The following HDAC9 variants were observed in gnomAD, a reference collection of about 807,000 sequenced individuals.
HDAC9 encodes MEF-2 interacting transcription repressor (MITR) protein.
In HDAC9, 41 loss-of-function variants were observed where a neutral mutation model predicts 139.4. That is an observed-to-expected ratio of 0.29 (90% CI 0.23 to 0.38). The LOEUF (loss-of-function observed/expected upper bound fraction) is 0.38, where lower values mean the gene tolerates loss of function less well. Ranked by LOEUF, HDAC9 falls within the 10% of genes least tolerant of loss-of-function variation. HDAC9 has a pLI of 1.00. For missense variants in HDAC9, 1,147 were observed against 1,297.0 expected (o/e 0.88, Z 1.78); for synonymous variants, 517 against 476.2 (o/e 1.09, Z -1.12).
chr7:18,483,364 A>G (rs564486994), intron 1 of HDAC9, among the ~76,000 whole-genome samples: 2 of 152,352 alleles, frequency 1.3e-5, no homozygotes, highest in South Asian at 4.1e-4. Flanking sequence ...CTAAGTAAAG[A>G]TGAGAGCAAG....
Position 18,623,146 on chromosome 7 carries a change from G to GA in HDAC9, c.665-6188dup, listed in dbSNP as rs200409519. On this transcript the variant is annotated intron_variant, in intron 6 of 25. Transcript: ENST00000686413. ...GTGACAGAGTGAGACCCGGTCTCTGGAAAAAAAAAAAAAAAAGTGAGCAGA... is the reference window on the plus strand; with the variant it reads ...GTGACAGAGTGAGACCCGGTCTCTGGAAAAAAAAAAAAAAAAAGTGAGCAGA... Among the ~76,000 whole-genome samples the GA allele has an allele frequency of 3.0e-3, 421 of 140,650 alleles. 1 individual carries two copies. The highest frequency in any genetic ancestry group is 9.4e-3 in the African/African-American group (353 of 37,446). 92.3% of individuals were successfully genotyped at this position (140,650 alleles called of 152,430 possible).
At chr7:18,910,899 C>A (rs1802682707) in intron 22 of HDAC9, among the ~76,000 whole-genome samples, 1 of 151,688 alleles carries the variant, frequency 6.6e-6, no homozygotes, top group Non-Finnish European at 1.5e-5. Flanking sequence ...GGGTATGAGC[C>A]TATAGTTTTC....
Position 18,268,422 on chromosome 7 carries a change from A to G in HDAC9, c.25+106073A>G, listed in dbSNP as rs969960315. Among the ~76,000 whole-genome samples, 3 of 152,098 alleles carry G rather than the reference A, an allele frequency of 2.0e-5. No homozygotes were observed. In the East Asian group the frequency reaches 5.8e-4, roughly 29 times the overall value. ...GAATTTTAAATTTTACTTTATGGGC[A>G]TAAGTTTATGAACTCATTTCCAGCT... On this transcript the variant is annotated intron_variant, in intron 2 of 12. Transcript: ENST00000417496.
At chr7:18,135,549 G>A (rs552302661) in intron 1 of HDAC9, among the ~76,000 whole-genome samples, 1,837 of 130,880 alleles carry the variant, frequency 0.014, 8 homozygotes, top group Non-Finnish European at 0.019. Flanking sequence ...GAGAATATGC[G>A]GTGTTTGGTT....
intron 1 of HDAC9, among the ~76,000 whole-genome samples, chr7:18,090,814 C>A (rs1455545178): frequency 6.6e-6 from 1 of 152,102 alleles, no homozygotes; most frequent in Non-Finnish European, 1.5e-5. Context: ...CTAGTCATTT[C>A]TTTCCATGTA....
At chr7:18,725,409 G>A (rs1302619513) in intron 12 of HDAC9, among the ~76,000 whole-genome samples, 3 of 152,154 alleles carry the variant, frequency 2.0e-5, no homozygotes, top group African/African-American at 7.2e-5. Context: ...GGCTTAAAAT[G>A]TAGGTTAGCC....
chr7:18,844,581 C>G (rs879769988), intron 21 of HDAC9, among the ~76,000 whole-genome samples: 2 of 152,118 alleles, frequency 1.3e-5, no homozygotes, highest in Non-Finnish European at 2.9e-5. Context: ...ATATTTTTAG[C>G]TGGTTCTTAA....
At chr7:18,196,330 A>T (rs1790723895) in intron 2 of HDAC9, among the ~76,000 whole-genome samples, 1 of 152,174 alleles carries the variant, frequency 6.6e-6, no homozygotes, top group African/African-American at 2.4e-5. Context: ...GCACATGAGG[A>T]TTAGGAAATT....
rs142307123 is a variant in HDAC9 at position 18,712,733 on chromosome 7, A to G, written c.1732-14847A>G. Among the ~76,000 whole-genome samples the G allele has an allele frequency of 7.7e-4, 117 of 152,338 alleles. 1 individual carries two copies. Among genetic ancestry groups the G allele is most frequent in the African/African-American group, 2.7e-3 (111 of 41,578 alleles). ...ATAACCACTTTAACATATTATTTAT[A>G]TTGCTTATTGAGCCTACAAGTATAA... On this transcript the variant is annotated intron_variant, in intron 12 of 25. Coordinates refer to ENST00000686413, the MANE Select transcript of HDAC9 (RefSeq NM_178425.4).
At chr7:18,945,834 T>A (rs759150711) in intron 23 of HDAC9, among the ~76,000 whole-genome samples, 4 of 151,616 alleles carry the variant, frequency 2.6e-5, no homozygotes, top group Non-Finnish European at 4.4e-5. Flanking sequence ...GTCAGAAGTT[T>A]GAGACCATCC....
At chr7:18,433,711 C>T (rs1332058401) in intron 1 of HDAC9, among the ~76,000 whole-genome samples, 1 of 152,082 alleles carries the variant, frequency 6.6e-6, no homozygotes, top group African/African-American at 2.4e-5. Context: ...TACAACTAAC[C>T]AGGGAGGTGG....
At chr7:18,591,400 C>T (rs886350671) in intron 4 of HDAC9, 116 bp from the exon 5 acceptor site, 32 of 1,346,938 alleles carry the variant, frequency 2.4e-5, no homozygotes, top group Non-Finnish European at 3.0e-5. Context: ...AGCGATTTTA[C>T]TTCTTAATCT....
At chr7:18,803,374 T>A (rs1420198133) in intron 17 of HDAC9, among the ~76,000 whole-genome samples, 1 of 152,194 alleles carries the variant, frequency 6.6e-6, no homozygotes, top group Non-Finnish European at 1.5e-5. Flanking sequence ...TGTTTCTCTA[T>A]ACTTGCTCGC....
chr7:18,255,904 G>A (rs914087470), intron 2 of HDAC9, among the ~76,000 whole-genome samples: 2 of 152,048 alleles, frequency 1.3e-5, no homozygotes, highest in African/African-American at 4.8e-5. Context: ...TGGGATTATA[G>A]GTGTGAGCCA....
chr7:18,247,471 A>G (rs1390189939), intron 2 of HDAC9, among the ~76,000 whole-genome samples: 1 of 152,122 alleles, frequency 6.6e-6, no homozygotes, highest in African/African-American at 2.4e-5. Flanking sequence ...AGTGATGGAC[A>G]GTTGGCTTTA....
intron 1 of HDAC9, among the ~76,000 whole-genome samples, chr7:18,485,455 A>T (rs1200680766): frequency 6.7e-6 from 1 of 149,592 alleles, no homozygotes; most frequent in African/African-American, 2.4e-5. Flanking sequence ...ATATATATTT[A>T]TTATATATAT....
intron 1 of HDAC9, among the ~76,000 whole-genome samples, chr7:18,390,534 C>G (rs985979750): frequency 6.6e-6 from 1 of 152,150 alleles, no homozygotes; most frequent in Admixed American, 6.5e-5. Flanking sequence ...TAGTTTGGTA[C>G]AGGCTACTCC....
At chr7:18,587,363 C>T (rs769052768) in intron 3 of HDAC9, among the ~76,000 whole-genome samples, 25 of 151,974 alleles carry the variant, frequency 1.6e-4, no homozygotes, top group Non-Finnish European at 2.6e-4. Flanking sequence ...AATGATTTTC[C>T]AAAATAATAA....
In HDAC9 at chr7:18,598,117, T is replaced by G. The variant is rs138159942; in HGVS notation, c.664+4088T>G. 2.5e-3 allele frequency among the ~76,000 whole-genome samples: 375 copies of G among 152,264 alleles called. 2 individuals carry two copies. Among genetic ancestry groups the G allele is most frequent in the African/African-American group, 8.7e-3 (360 of 41,552 alleles). ...AAAACACAATAATTATTTTTAATAG[T>G]TTAGAATATCTCTTCCTCTCTCTCT... is the stretch of plus-strand genomic sequence containing the variant. On this transcript the variant is annotated intron_variant, in intron 6 of 25. Coordinates refer to ENST00000686413, the MANE Select transcript of HDAC9 (RefSeq NM_178425.4).
Sources: allele counts gnomAD v4.1 joint callset (sites outside exome capture counted in the v4.1 genomes callset), GRCh38; gene constraint gnomAD v4.1.1; transcripts MANE v1.5; gene names NCBI Gene and HGNC (gene_info 2026-07-23, HGNC 2026-07-21).